The following MYO5C variants were observed in gnomAD, a reference collection of about 807,000 sequenced individuals.
MYO5C encodes the protein myosin VC, also known as unconventional myosin-Vc.
In MYO5C, 194 loss-of-function variants were observed where a neutral mutation model predicts 235.7. The observed-to-expected ratio is 0.82, with a 90% CI of 0.73 to 0.93. MYO5C has a LOEUF of 0.93. Ranked by LOEUF, MYO5C falls within the 40% of genes least tolerant of loss-of-function variation. The pLI is 0.00. For synonymous variants in MYO5C, 707 were observed against 754.8 expected (o/e 0.94, Z 1.04); for missense variants, 2,038 against 2,127.2 (o/e 0.96, Z 0.82).
At chr15:52,261,741 T>C (rs2036701304) in intron 9 of MYO5C, among the ~76,000 whole-genome samples, 2 of 152,162 alleles carry the variant, frequency 1.3e-5, no homozygotes, top group African/African-American at 4.8e-5. Flanking sequence ...GCCCCGCTGG[T>C]CAGCAGATGA....
intron 36 of MYO5C, among the ~76,000 whole-genome samples, chr15:52,206,978 C>T (rs1265938462): frequency 6.6e-6 from 1 of 151,934 alleles, no homozygotes; most frequent in Admixed American, 6.6e-5. Flanking sequence ...ATTAAAAATA[C>T]AAAAATTAAC....
intron 10 of MYO5C, 115 bp from the exon 11 acceptor site, chr15:52,256,835 T>G: frequency 1.4e-6 from 1 of 729,184 alleles, no homozygotes; most frequent in South Asian, 1.7e-5. Context: ...TCTACAAGTT[T>G]TAAATACCCC....
chr15:52,196,988 C>A (rs780290666), intron 38 of MYO5C, among the ~76,000 whole-genome samples: 1 of 152,130 alleles, frequency 6.6e-6, no homozygotes, highest in African/African-American at 2.4e-5. Context: ...GGAAGTTAAT[C>A]GACCTCTCTG....
chr15:52,220,824 CAAAAAAA>C (rs34395430), intron 30 of MYO5C, among the ~76,000 whole-genome samples: 14 of 118,570 alleles, frequency 1.2e-4, no homozygotes, highest in African/African-American at 4.3e-4. Context: ...AACTCAGTCT[CAAAAAAA>C]AAAAAAAAAA....
Position 52,244,587 on chromosome 15 carries a change from T to C in MYO5C, c.2179-20A>G, listed in dbSNP as rs1333707418. ...AGAATCCTGGAAGAGAAAAATGATA[T>C]AGTTAGAATTAAAATCTGTCAGATT... On this transcript the variant is annotated intron_variant, in intron 18 of 40. Transcript: ENST00000261839. The C allele has an allele frequency of 7.9e-6, 12 of 1,521,894 alleles. No individual in the cohort carries two copies. The highest frequency in any genetic ancestry group is 1.0e-5 in the Non-Finnish European group (11 of 1,103,980). The allele number at this position is 1,521,894 out of a possible 1,614,324, so 94.3% of individuals were successfully genotyped here.
chr15:52,276,429 C>G (rs967237213), intron 4 of MYO5C, among the ~76,000 whole-genome samples: 1 of 152,200 alleles, frequency 6.6e-6, no homozygotes. Context: ...TGCTGGCTGC[C>G]AGGGAAGCTC....
At chr15:52,252,438 T>C (rs995763043) in intron 12 of MYO5C, among the ~76,000 whole-genome samples, 2 of 152,070 alleles carry the variant, frequency 1.3e-5, no homozygotes, top group African/African-American at 4.8e-5. Context: ...TCTTGATACA[T>C]GTGATTTTTT....
Position 52,218,556 on chromosome 15 carries a change from A to G in MYO5C, c.3917T>C (p.Phe1306Ser), listed in dbSNP as rs376449401. 3 of 1,614,124 alleles carry G rather than the reference A, an allele frequency of 1.9e-6. No individual in the cohort carries two copies. The African/African-American group carries it at 4.0e-5, about 22-fold the overall frequency. ...AGTGAGCCGGGATGCTTCCTGCCGG[A>G]AGTTACACTTGACTTCACTTTCAGT... ...FETESEVKCN[F>S]RQEASRLTLE... is the part of the protein sequence containing the mutation. The change falls in exon 32 of 41, where the codon TTC becomes TCC. Residue 1306 changes from phenylalanine to serine, a missense_variant. Coordinates refer to ENST00000261839, the MANE Select transcript of MYO5C (RefSeq NM_018728.4).
chr15:52,257,792 T>C (rs920139779), intron 10 of MYO5C, among the ~76,000 whole-genome samples: 6 of 152,334 alleles, frequency 3.9e-5, no homozygotes, highest in African/African-American at 7.2e-5. Flanking sequence ...CAAAGCTTTG[T>C]TCTTAATCGC....
In MYO5C at chr15:52,246,924, G is replaced by T; in HGVS notation, c.1972C>A (p.Pro658Thr). The change falls in exon 16 of 41, where the codon CCC becomes ACC. Residue 658 changes from proline (P) to threonine (T), a missense_variant. By Grantham distance (38) the Pro-to-Thr change is conservative (BLOSUM62 -1). Transcript: ENST00000261839. Reference protein sequence around the residue: ...RCIKPNDEKLPFEFDSKRIVQ... With the variant: ...RCIKPNDEKLTFEFDSKRIVQ... ...TTGCATAAGAACACTTACTCAAAGG[G>T]TAACTTCTCATCATTTGGCTTGATG... 6.2e-7 allele frequency: 1 copy of T among 1,613,486 alleles called. No individual in the cohort carries two copies. Among genetic ancestry groups the T allele is most frequent in the Admixed American group, 1.7e-5 (1 of 59,918 alleles).
chr15:52,250,473 G>A (rs1359894640), intron 13 of MYO5C, among the ~76,000 whole-genome samples: 1 of 151,912 alleles, frequency 6.6e-6, no homozygotes, highest in Non-Finnish European at 1.5e-5. Context: ...CAAACTCCTG[G>A]TCTCAAGCGA....
rs141846484 is a variant in MYO5C, at chr15:52,267,573, C to T, written c.940+2180G>A. ...CGGTGGCATGTGCCTGTAATCCCAG[C>T]TGCTCGGGAGGCTGAGGCAGGAGAA... On this transcript the variant is annotated intron_variant, in intron 8 of 40. Coordinates refer to ENST00000261839, the MANE Select transcript of MYO5C (RefSeq NM_018728.4). 4.6e-5 allele frequency among the ~76,000 whole-genome samples: 7 copies of T among 152,296 alleles called. No individual in the cohort carries two copies. In the East Asian group the frequency reaches 1.3e-3, roughly 29 times the overall value.
chr15:52,294,347 CT>C (rs2037454157), intron 1 of MYO5C, among the ~76,000 whole-genome samples: 1 of 152,220 alleles, frequency 6.6e-6, no homozygotes, highest in South Asian at 2.1e-4. Context: ...CACAGTCTCA[CT>C]GGTGAAAATA....
At chr15:52,281,590 C>T (rs2037163707) in intron 2 of MYO5C, among the ~76,000 whole-genome samples, 2 of 152,218 alleles carry the variant, frequency 1.3e-5, no homozygotes, top group African/African-American at 4.8e-5. Flanking sequence ...TTCAAACATG[C>T]ACACAGGATT....
In MYO5C at chr15:52,251,477, C is replaced by G. The variant is rs754565733; in HGVS notation, c.1575G>C (p.Leu525=). ...HGTDENWLQK[L]YNNFVNRNPL... is the part of the protein sequence containing the mutation. The stretch of plus-strand genomic sequence containing the variant: ...GGTTCCTGTTGACAAAATTATTATA[C>G]AGCTTTTGAAGCCAGTTTTCATCAG... The change falls in exon 13 of 41, where the codon CTG becomes CTC. Residue 525 remains leucine (L), a synonymous_variant. Coordinates refer to ENST00000261839, the MANE Select transcript of MYO5C (RefSeq NM_018728.4). 1.0e-5 allele frequency: 16 copies of G among 1,607,188 alleles called. No individual in the cohort carries two copies. The highest frequency in any genetic ancestry group is 1.4e-5 in the Non-Finnish European group (16 of 1,176,294).
intron 37 of MYO5C, chr15:52,205,355 C>T (rs781689820): frequency 1.7e-6 from 1 of 589,068 alleles, no homozygotes; most frequent in Non-Finnish European, 3.0e-6. Context: ...AGCGGGGCTG[C>T]AGCTCCTCTT....
At chr15:52,291,731 G>GTTTTTTTTTTTTTTTGTTTTTTTT (rs2037392805) in intron 1 of MYO5C, among the ~76,000 whole-genome samples, 1 of 52,560 alleles carries the variant, frequency 1.9e-5, no homozygotes. Flanking sequence ...CATATTTTAT[G>GTTTTTTTTTTTTTTTGTTTTTTTT]TTTTTTTTTT....
At chr15:52,210,044 A>C (rs1315620189) in intron 35 of MYO5C, among the ~76,000 whole-genome samples, 1 of 152,046 alleles carries the variant, frequency 6.6e-6, no homozygotes, top group African/African-American at 2.4e-5. Flanking sequence ...GCTTACTGCA[A>C]CCTCTGCCTT....
intron 1 of MYO5C, among the ~76,000 whole-genome samples, chr15:52,291,604 G>A (rs928380925): frequency 7.2e-5 from 11 of 151,874 alleles, no homozygotes; most frequent in South Asian, 2.1e-4. Context: ...CAAAACTAGC[G>A]GCCAAACCTA....
Sources: gnomAD v4.1 joint callset for allele counts (sites outside exome capture counted in the v4.1 genomes callset) on GRCh38, gnomAD v4.1.1 for gene constraint, MANE v1.5 for transcripts, NCBI Gene and HGNC (gene_info 2026-07-23, HGNC 2026-07-21) for gene names.